The following FGF14 variants were observed in gnomAD, a reference collection of about 807,000 sequenced individuals.
The protein encoded by FGF14 is fibroblast growth factor 14.
FGF14 carries 5 observed loss-of-function variants against 25.5 expected under a neutral mutation model. That is an observed-to-expected ratio of 0.20 (90% CI 0.10 to 0.41). The LOEUF (loss-of-function observed/expected upper bound fraction) is 0.41. FGF14 is among the 10% of genes least tolerant of loss of function. FGF14 has a pLI of 1.00. For missense variants in FGF14, 222 were observed against 320.1 expected (o/e 0.69, Z 2.34); for synonymous variants, 138 against 118.3 (o/e 1.17, Z -1.08).
intron 1 of FGF14, among the ~76,000 whole-genome samples, chr13:102,038,596 T>C (rs1218974791): frequency 2.0e-5 from 3 of 152,182 alleles, no homozygotes; most frequent in Non-Finnish European, 4.4e-5. Context: ...TTCCTAAACC[T>C]GCAAGAAATT....
upstream of FGF14, among the ~76,000 whole-genome samples, chr13:101,921,791 T>C (rs2034024906): frequency 6.6e-6 from 1 of 152,234 alleles, no homozygotes; most frequent in Non-Finnish European, 1.5e-5. Context: ...GGCATGATCC[T>C]ATGACAGGAC....
intron 1 of FGF14, among the ~76,000 whole-genome samples, chr13:102,229,145 G>A (rs1429887499): frequency 6.6e-6 from 1 of 152,158 alleles, no homozygotes; most frequent in Admixed American, 6.5e-5. Context: ...AGTGCTGCCT[G>A]GGAGTTCTCA....
intron 3 of FGF14, among the ~76,000 whole-genome samples, chr13:101,826,809 T>C (rs1269527835): frequency 6.6e-6 from 1 of 152,036 alleles, no homozygotes; most frequent in African/African-American, 2.4e-5. Context: ...TTACAATATG[T>C]ATAATTCTAA....
chr13:101,881,411 C>T (rs1049660007), intron 1 of FGF14, among the ~76,000 whole-genome samples: 1 of 152,162 alleles, frequency 6.6e-6, no homozygotes, highest in African/African-American at 2.4e-5. Context: ...CTTATTTATT[C>T]ATCACATACA....
chr13:102,268,977 T>C (rs1807126581), intron 1 of FGF14, among the ~76,000 whole-genome samples: 1 of 152,308 alleles, frequency 6.6e-6, no homozygotes, highest in Admixed American at 6.5e-5. Flanking sequence ...TTGTGTACCA[T>C]ATCACCTAAC....
chr13:102,350,424 C>G (rs193242933), intron 1 of FGF14, among the ~76,000 whole-genome samples: 1 of 151,962 alleles, frequency 6.6e-6, no homozygotes, highest in Non-Finnish European at 1.5e-5. Flanking sequence ...AAGAAAGAAT[C>G]CATCAGCTTC....
intron 1 of FGF14, among the ~76,000 whole-genome samples, chr13:101,936,239 C>A (rs1347290773): frequency 1.3e-5 from 2 of 152,142 alleles, no homozygotes; most frequent in African/African-American, 4.8e-5. Context: ...AATGCCTGAC[C>A]CACGAGGGTT....
chr13:102,272,039 C>T (rs1304868009), intron 1 of FGF14, among the ~76,000 whole-genome samples: 1 of 152,162 alleles, frequency 6.6e-6, no homozygotes, highest in Admixed American at 6.6e-5. Context: ...TACTCAGACT[C>T]CTTAGCCTGT....
exon 1 of FGF14, chr13:102,401,584 A>C: frequency 6.2e-7 from 1 of 1,614,234 alleles, no homozygotes; most frequent in East Asian, 2.2e-5. Context: ...AAAGCAATCC[A>C]GCAGCTTAGA....
chr13:102,054,656 T>C (rs1566626094), intron 1 of FGF14, among the ~76,000 whole-genome samples: 1 of 152,202 alleles, frequency 6.6e-6, no homozygotes, highest in Admixed American at 6.5e-5. Flanking sequence ...CAAGTATTGC[T>C]ACATCCTTCA....
intron 1 of FGF14, among the ~76,000 whole-genome samples, chr13:102,158,671 A>T (rs1277935392): frequency 1.4e-5 from 2 of 147,212 alleles, no homozygotes; most frequent in African/African-American, 2.5e-5. Flanking sequence ...AAAGTATAAT[A>T]AAAAAAAAAA....
chr13:101,841,468 T>C (rs2043188026), intron 3 of FGF14, among the ~76,000 whole-genome samples: 1 of 151,998 alleles, frequency 6.6e-6, no homozygotes, highest in African/African-American at 2.4e-5. Flanking sequence ...ATAGACATTT[T>C]CCCAAAATAA....
chr13:101,941,655 T>C (rs1258689743), intron 1 of FGF14, among the ~76,000 whole-genome samples: 1 of 152,210 alleles, frequency 6.6e-6, no homozygotes, highest in Non-Finnish European at 1.5e-5. Context: ...CTAGTTAGGC[T>C]TTTGTCCAAC....
At chr13:102,053,054 G>C (rs551732632) in intron 1 of FGF14, among the ~76,000 whole-genome samples, 2 of 152,088 alleles carry the variant, frequency 1.3e-5, no homozygotes, top group African/African-American at 4.8e-5. Context: ...AAAACCAATA[G>C]TAGATGCACA....
chr13:102,190,512 A>T (rs2049078188), intron 1 of FGF14, among the ~76,000 whole-genome samples: 2 of 152,188 alleles, frequency 1.3e-5, no homozygotes, highest in South Asian at 4.1e-4. Flanking sequence ...GAAGTATTGG[A>T]CCCAAAATTT....
chr13:102,366,843 A>AT (rs1007025701), intron 1 of FGF14, among the ~76,000 whole-genome samples: 1 of 152,152 alleles, frequency 6.6e-6, no homozygotes, highest in African/African-American at 2.4e-5. Context: ...AGAGTATATC[A>AT]TTTTTTAGTA....
chr13:102,135,162 C>G (rs901701268), intron 1 of FGF14, among the ~76,000 whole-genome samples: 1 of 152,074 alleles, frequency 6.6e-6, no homozygotes, highest in African/African-American at 2.4e-5. Context: ...AAGCTATGAT[C>G]GCACCATCGC....
At chr13:102,181,239 C>T (rs1020358971) in intron 1 of FGF14, among the ~76,000 whole-genome samples, 4 of 152,078 alleles carry the variant, frequency 2.6e-5, no homozygotes, top group South Asian at 2.1e-4. Flanking sequence ...GGCAGAATAA[C>T]GATCTCCGAA....
chr13:101,863,727 T>C (rs2044548540), intron 3 of FGF14, among the ~76,000 whole-genome samples: 2 of 152,126 alleles, frequency 1.3e-5, no homozygotes, highest in African/African-American at 4.8e-5. Flanking sequence ...AGCAGTTGTA[T>C]TTCTATACCC....
Sources: gnomAD v4.1 joint callset for allele counts (sites outside exome capture counted in the v4.1 genomes callset) on GRCh38, gnomAD v4.1.1 for gene constraint, MANE v1.5 for transcripts, NCBI Gene and HGNC (gene_info 2026-07-23, HGNC 2026-07-21) for gene names.